Variants in GRID2 observed in about 807,000 individuals in gnomAD.
GRID2 encodes glutamate receptor ionotropic, delta-2.
In GRID2, 33 loss-of-function variants were observed where a neutral mutation model predicts 114.8. That is an observed-to-expected ratio of 0.29 (90% CI 0.22 to 0.38). The LOEUF is 0.38. Ranked by LOEUF, GRID2 falls within the 10% of genes least tolerant of loss-of-function variation. The pLI is 1.00. For missense variants in GRID2, 1,184 were observed against 1,257.7 expected (o/e 0.94, Z 0.89); for synonymous variants, 505 against 449.9 (o/e 1.12, Z -1.55).
At chr4:93,287,471 C>T (rs918909576) in intron 8 of GRID2, among the ~76,000 whole-genome samples, 6 of 152,116 alleles carry the variant, frequency 3.9e-5, no homozygotes, top group East Asian at 1.9e-4. Flanking sequence ...CAAACAAACA[C>T]TCTGTTATTA....
intron 2 of GRID2, among the ~76,000 whole-genome samples, chr4:92,921,901 G>T (rs1327110598): frequency 6.6e-6 from 1 of 152,222 alleles, no homozygotes; most frequent in Non-Finnish European, 1.5e-5. Flanking sequence ...TAAGTCTGCA[G>T]AGTTTTCTGC....
At chr4:92,661,860 G>A (rs1732537500) in intron 2 of GRID2, among the ~76,000 whole-genome samples, 1 of 150,986 alleles carries the variant, frequency 6.6e-6, no homozygotes, top group Non-Finnish European at 1.5e-5. Context: ...TAATGTCCAA[G>A]GGTAAATGCA....
intron 2 of GRID2, among the ~76,000 whole-genome samples, chr4:93,057,656 C>T (rs1351307716): frequency 6.6e-6 from 1 of 151,852 alleles, no homozygotes; most frequent in Admixed American, 6.6e-5. Flanking sequence ...TGTCAATGAA[C>T]TCCCCTAGCC....
chr4:92,402,248 G>T (rs13106359), intron 1 of GRID2, among the ~76,000 whole-genome samples: 2,346 of 151,966 alleles, frequency 0.015, 38 homozygotes, highest in Non-Finnish European at 0.025. Context: ...CATTCATCAG[G>T]GTTGAAATCA....
chr4:93,140,342 T>G (rs1735659721), intron 4 of GRID2, among the ~76,000 whole-genome samples: 1 of 152,012 alleles, frequency 6.6e-6, no homozygotes, highest in African/African-American at 2.4e-5. Flanking sequence ...GTATTTTTAG[T>G]AGAGACGGGG....
At chr4:92,602,972 A>G (rs1319144645) in intron 2 of GRID2, among the ~76,000 whole-genome samples, 1 of 152,186 alleles carries the variant, frequency 6.6e-6, no homozygotes, top group Non-Finnish European at 1.5e-5. Flanking sequence ...TGAATAAAAT[A>G]CCTTGGAATA....
chr4:92,388,104 G>A (rs1268390291), intron 1 of GRID2, among the ~76,000 whole-genome samples: 1 of 151,986 alleles, frequency 6.6e-6, no homozygotes. Flanking sequence ...TGCTTAAAAA[G>A]GTTGTTTGCT....
At chr4:93,588,687 A>G (rs970758350) in intron 13 of GRID2, among the ~76,000 whole-genome samples, 21 of 152,234 alleles carry the variant, frequency 1.4e-4, no homozygotes, top group African/African-American at 5.1e-4. Context: ...AATTGCCTAC[A>G]GCAGATGGGT....
At chr4:92,420,642 G>A (rs767287708) in intron 1 of GRID2, among the ~76,000 whole-genome samples, 1 of 152,028 alleles carries the variant, frequency 6.6e-6, no homozygotes, top group African/African-American at 2.4e-5. Context: ...TTTTCAAATA[G>A]ATGAAGCAGA....
chr4:93,103,160 A>G (rs921331773), intron 3 of GRID2, among the ~76,000 whole-genome samples: 9 of 152,066 alleles, frequency 5.9e-5, no homozygotes, highest in Non-Finnish European at 5.9e-5. Context: ...ACAGGGGTGT[A>G]AAATTCCTCC....
chr4:93,290,963 C>T (rs780066596), intron 8 of GRID2, among the ~76,000 whole-genome samples: 12 of 149,076 alleles, frequency 8.0e-5, no homozygotes, highest in Non-Finnish European at 1.6e-4. Context: ...CTGCAAGCTC[C>T]GCCTCCCGGG....
chr4:92,849,486 T>C (rs948593898), intron 2 of GRID2, among the ~76,000 whole-genome samples: 1 of 151,948 alleles, frequency 6.6e-6, no homozygotes, highest in African/African-American at 2.4e-5. Flanking sequence ...ATGACTTGGC[T>C]AAAATATGGA....
intron 8 of GRID2, among the ~76,000 whole-genome samples, chr4:93,239,419 A>T (rs1747222787): frequency 6.6e-6 from 1 of 150,694 alleles, no homozygotes; most frequent in African/African-American, 2.4e-5. Flanking sequence ...AGAGCTGGTA[A>T]CTGTAAATTT....
chr4:93,109,445 G>A (rs1311625476), intron 3 of GRID2, among the ~76,000 whole-genome samples: 1 of 152,140 alleles, frequency 6.6e-6, no homozygotes, highest in South Asian at 2.1e-4. Flanking sequence ...CCTTGCAAAT[G>A]TAAATGTTTA....
intron 13 of GRID2, among the ~76,000 whole-genome samples, chr4:93,553,573 T>A (rs1349631191): frequency 6.6e-6 from 1 of 152,194 alleles, no homozygotes; most frequent in African/African-American, 2.4e-5. Context: ...GATAAAATAG[T>A]TTGTTCTGAC....
At chr4:93,173,299 T>C (rs1209992685) in intron 4 of GRID2, among the ~76,000 whole-genome samples, 1 of 152,154 alleles carries the variant, frequency 6.6e-6, no homozygotes, top group Non-Finnish European at 1.5e-5. Context: ...AGCACCATTT[T>C]TAAGAACTGA....
In GRID2 at chr4:93,340,305, C is replaced by A. The variant is rs144033550; in HGVS notation, c.1246-55302C>A. Among the ~76,000 whole-genome samples the A allele has an allele frequency of 2.3e-3, 316 of 140,194 alleles. 4 individuals carry two copies. Among genetic ancestry groups the A allele is most frequent in the African/African-American group, 9.0e-3 (291 of 32,444 alleles). 92.0% of individuals were successfully genotyped at this position (140,194 alleles called of 152,430 possible). A position where few individuals can be genotyped will look rare whatever the true frequency, so the allele number is the denominator to read the frequency against. On this transcript the variant is annotated intron_variant, in intron 8 of 15. Coordinates refer to ENST00000282020, the MANE Select transcript of GRID2 (RefSeq NM_001510.4). Reference sequence around the variant, plus strand: ...GAAGCTCCTAAATTGGCCCACTATGCCCCTTTTCTGTCTGTCTTTCTTTTT... The same window carrying A: ...GAAGCTCCTAAATTGGCCCACTATGACCCTTTTCTGTCTGTCTTTCTTTTT...
chr4:93,618,958 G>A (rs1313489220), intron 13 of GRID2, among the ~76,000 whole-genome samples: 1 of 152,080 alleles, frequency 6.6e-6, no homozygotes, highest in Non-Finnish European at 1.5e-5. Context: ...AATATATTTA[G>A]TATTCCTGAT....
At chr4:92,875,690 T>A (rs933374780) in intron 2 of GRID2, among the ~76,000 whole-genome samples, 1 of 152,174 alleles carries the variant, frequency 6.6e-6, no homozygotes, top group Non-Finnish European at 1.5e-5. Context: ...AACACTGATT[T>A]AATATCACAT....
Sources: gnomAD v4.1 joint callset for allele counts (sites outside exome capture counted in the v4.1 genomes callset) on GRCh38, gnomAD v4.1.1 for gene constraint, MANE v1.5 for transcripts, NCBI Gene and HGNC (gene_info 2026-07-23, HGNC 2026-07-21) for gene names.